The following GTSF1 variants were observed in gnomAD, a reference collection of about 807,000 sequenced individuals.
The protein encoded by GTSF1 is gametocyte-specific factor 1.
A neutral mutation model predicts 28.9 loss-of-function variants in GTSF1; 11 were observed. The observed-to-expected ratio is 0.38, with a 90% confidence interval of 0.24 to 0.63. GTSF1 has a LOEUF of 0.63. Among genes scored for constraint, GTSF1 ranks in the 30% least tolerant of loss-of-function variants. GTSF1 has a pLI of 0.56. For synonymous variants in GTSF1, 69 were observed against 65.6 expected (o/e 1.05, Z -0.25); for missense variants, 146 against 201.0 (o/e 0.73, Z 1.66).
chr12:54,468,025 TG>T (rs1262196060), intron 2 of GTSF1, among the ~76,000 whole-genome samples: 1 of 152,096 alleles, frequency 6.6e-6, no homozygotes, highest in Admixed American at 6.5e-5. Context: ...CCTCCCAAAG[TG>T]CTAGGATTAC....
At chr12:54,465,950 G>A (rs2120774714) in intron 2 of GTSF1, among the ~76,000 whole-genome samples, 1 of 152,224 alleles carries the variant, frequency 6.6e-6, no homozygotes, top group African/African-American at 2.4e-5. Context: ...GAACACATGT[G>A]AGAACAAAAC....
At chr12:54,456,179 T>C (rs1279397935) in intron 8 of GTSF1, 26 bp from the exon 9 acceptor site, 10 of 152,214 alleles carry the variant, frequency 6.6e-5, no homozygotes, top group African/African-American at 2.2e-4. Context: ...GAAAAAAAAG[T>C]TCTTAGTTTT....
chr12:54,456,568 T>C (rs1455940006), intron 8 of GTSF1, among the ~76,000 whole-genome samples: 2 of 152,238 alleles, frequency 1.3e-5, no homozygotes, highest in East Asian at 1.9e-4. Context: ...ATTGGTATGA[T>C]ACTACCTGCT....
chr12:54,469,201 C>A (rs1385373559), intron 2 of GTSF1, among the ~76,000 whole-genome samples: 2 of 152,072 alleles, frequency 1.3e-5, no homozygotes, highest in African/African-American at 4.8e-5. Context: ...GCCTCAGCCT[C>A]CCGAGTAGCT....
At chr12:54,470,195 C>CT (rs1008340294) in intron 2 of GTSF1, among the ~76,000 whole-genome samples, 1 of 152,062 alleles carries the variant, frequency 6.6e-6, no homozygotes, top group African/African-American at 2.4e-5. Context: ...AAAACAAAAA[C>CT]TTTAAGAAAA....
rs1008100984 is a variant in GTSF1 at position 54,462,710 on chromosome 12, C to T, written c.260G>A (p.Ser87Asn). Residue 87 changes from serine (S) to asparagine (N), a missense_variant, in exon 5 of 9, where the codon AGC becomes AAC. By Grantham distance (46) the Ser-to-Asn change is conservative (BLOSUM62 1). Coordinates refer to ENST00000305879, the MANE Select transcript of GTSF1 (RefSeq NM_144594.3). ...CTCAGCCAGAGTCTCTTGTCTAAGGCTCCTGGTTTGGTTGACTGCAAGACA... is the reference window on the plus strand; with the variant it reads ...CTCAGCCAGAGTCTCTTGTCTAAGGTTCCTGGTTTGGTTGACTGCAAGACA... ...IEQDVVNQTRSLRQETLAEST... is the reference protein window; with the variant it reads ...IEQDVVNQTRNLRQETLAEST... 3.1e-6 allele frequency: 5 copies of T among 1,613,920 alleles called. No homozygotes were observed. Among genetic ancestry groups the T allele is most frequent in the Non-Finnish European group, 4.2e-6 (5 of 1,179,842 alleles).
At chr12:54,466,252 C>A (rs1956511108) in intron 2 of GTSF1, among the ~76,000 whole-genome samples, 1 of 152,134 alleles carries the variant, frequency 6.6e-6, no homozygotes, top group African/African-American at 2.4e-5. Flanking sequence ...TCTTGCCACC[C>A]CTGAAGGCAA....
chr12:54,459,258 T>C (rs1189091011), intron 7 of GTSF1, 133 bp from the exon 8 acceptor site: 2 of 1,417,362 alleles, frequency 1.4e-6, no homozygotes, highest in African/African-American at 2.9e-5. Context: ...GAATTTAATA[T>C]TAGTAATCAG....
chr12:54,464,004 A>G (rs895412518), intron 3 of GTSF1, among the ~76,000 whole-genome samples: 10 of 152,352 alleles, frequency 6.6e-5, no homozygotes, highest in African/African-American at 2.2e-4. Flanking sequence ...CCAGCAATTA[A>G]GAAATTTATT....
chr12:54,460,239 G>T, intron 7 of GTSF1, 138 bp downstream of exon 7: 1 of 629,052 alleles, frequency 1.6e-6, no homozygotes, highest in Non-Finnish European at 2.8e-6. Flanking sequence ...GGTGCTTAGG[G>T]CATAACATTT....
intron 3 of GTSF1, 46 bp downstream of exon 3, chr12:54,465,021 T>C (rs770272945): frequency 1.3e-5 from 15 of 1,170,744 alleles, no homozygotes; most frequent in Non-Finnish European, 1.9e-5. Context: ...AATATGGCCT[T>C]TTAAAAGAAC....
intron 2 of GTSF1, among the ~76,000 whole-genome samples, chr12:54,465,621 C>T (rs924147869): frequency 6.6e-6 from 1 of 152,172 alleles, no homozygotes; most frequent in South Asian, 2.1e-4. Flanking sequence ...TCCCCTACCC[C>T]CCATTTCCAC....
intron 6 of GTSF1, among the ~76,000 whole-genome samples, chr12:54,460,882 TTCTA>T (rs1956410634): frequency 6.6e-6 from 1 of 152,234 alleles, no homozygotes; most frequent in South Asian, 2.1e-4. Context: ...TTTTAAGTTT[TTCTA>T]TCTTAGTGCA....
intron 2 of GTSF1, among the ~76,000 whole-genome samples, chr12:54,465,638 G>C (rs923418912): frequency 3.3e-5 from 5 of 152,038 alleles, no homozygotes; most frequent in Non-Finnish European, 7.4e-5. Flanking sequence ...CCACAGGCAA[G>C]TTGGGGGTAG....
At chr12:54,471,407 T>G (rs557480364) in intron 1 of GTSF1, 130 bp from the exon 2 acceptor site, 1 of 490,260 alleles carries the variant, frequency 2.0e-6, no homozygotes, top group African/African-American at 2.0e-5. Flanking sequence ...CTCTCCCCAC[T>G]CCCCCCAATA....
chr12:54,465,388 C>A (rs1199207844), intron 2 of GTSF1, among the ~76,000 whole-genome samples: 1 of 152,086 alleles, frequency 6.6e-6, no homozygotes, highest in Non-Finnish European at 1.5e-5. Context: ...GTCTCAGTTT[C>A]ATATTGAACT....
At position 54,460,387 on chromosome 12, in the gene GTSF1, T is replaced by C. The variant is rs756274172; in HGVS notation, c.477A>G (p.Pro159=). Residue 159 remains proline (P), a synonymous_variant, in exon 7 of 9, where the codon CCA becomes CCG. Coordinates refer to ENST00000305879, the MANE Select transcript of GTSF1 (RefSeq NM_144594.3). ...RVPKSLPYVL[P]WKNNGNAQ ...CTCTATTTCACTTACTGTTTTTCCATGGCAGAACATACGGCAGAGATTTGG... is the reference window on the plus strand; with the variant it reads ...CTCTATTTCACTTACTGTTTTTCCACGGCAGAACATACGGCAGAGATTTGG... 1.9e-6 allele frequency: 3 copies of C among 1,611,574 alleles called. No individual in the cohort carries two copies. The highest frequency in any genetic ancestry group is 1.1e-5 in the South Asian group (1 of 91,044).
chr12:54,460,641 C>T (rs1397711928), intron 6 of GTSF1, among the ~76,000 whole-genome samples, 170 bp from the exon 7 acceptor site: 1 of 152,230 alleles, frequency 6.6e-6, no homozygotes, highest in African/African-American at 2.4e-5. Context: ...ATGATTACCA[C>T]TTACTTCTCT....
Position 54,460,455 on chromosome 12 carries a change from C to CT in GTSF1, c.408dup (p.Val137SerfsTer5). ...GCCAGGTTATTCTTATGTTCTGTAA[C>CT]TATGTTGCTCGCAGGGCTGCAAAAA... On this transcript the variant is annotated frameshift_variant, in exon 7 of 9. Transcript: ENST00000305879. LOFTEE classifies it high-confidence loss of function. 6.2e-7 allele frequency: 1 copy of CT among 1,613,366 alleles called. No individual in the cohort carries two copies. The highest frequency in any genetic ancestry group is 8.5e-7 in the Non-Finnish European group (1 of 1,179,464).
Sources: gnomAD v4.1 joint callset for allele counts (sites outside exome capture counted in the v4.1 genomes callset) on GRCh38, gnomAD v4.1.1 for gene constraint, MANE v1.5 for transcripts, NCBI Gene and HGNC (gene_info 2026-07-23, HGNC 2026-07-21) for gene names.